The following EXD1 variants were observed in gnomAD, a reference collection of about 807,000 sequenced individuals.
EXD1 encodes exonuclease 3'-5' domain containing 1.
EXD1 carries 63 observed loss-of-function variants against 49.1 expected under a neutral mutation model. The observed-to-expected ratio is 1.28, with a 90% CI of 1.05 to 1.58. EXD1 has a LOEUF of 1.58. EXD1 is among the 40% of genes most tolerant of loss of function. The pLI is 0.00. For synonymous variants in EXD1, 234 were observed against 239.2 expected, an observed-to-expected ratio of 0.98 and a Z score of 0.20; for missense variants, 748 against 666.0, an observed-to-expected ratio of 1.12 and a Z score of -1.36.
At chr15:41,199,510 C>T (rs566689673) in intron 7 of EXD1, among the ~76,000 whole-genome samples, 5 of 149,054 alleles carry the variant, frequency 3.4e-5, no homozygotes, top group African/African-American at 1.2e-4. Context: ...GCACCCCTTC[C>T]CCCATACCTT....
chr15:41,198,893 G>A (rs925426646), intron 7 of EXD1, among the ~76,000 whole-genome samples: 1 of 151,020 alleles, frequency 6.6e-6, no homozygotes, highest in Non-Finnish European at 1.5e-5. Context: ...TTTTAGTAGG[G>A]ACTAGGTTTG....
chr15:41,200,207 G>T (rs555080604), intron 7 of EXD1, among the ~76,000 whole-genome samples: 52 of 152,004 alleles, frequency 3.4e-4, no homozygotes, highest in Non-Finnish European at 6.3e-4. Flanking sequence ...ACCACACCTG[G>T]ACTTGTAATA....
At chr15:41,216,556 A>T in intron 5 of EXD1, 112 bp downstream of exon 5, 1 of 1,090,994 alleles carries the variant, frequency 9.2e-7, no homozygotes, top group Non-Finnish European at 1.3e-6. Context: ...GCTTGAATCC[A>T]GGAGGTGGAG....
At chr15:41,228,057 CAA>C (rs2047190186) in intron 1 of EXD1, among the ~76,000 whole-genome samples, 1 of 152,086 alleles carries the variant, frequency 6.6e-6, no homozygotes, top group African/African-American at 2.4e-5. Context: ...TCTCAAAAAA[CAA>C]AACAAAACAA....
chr15:41,195,370 T>G (rs187769720), intron 9 of EXD1, among the ~76,000 whole-genome samples: 1 of 152,276 alleles, frequency 6.6e-6, no homozygotes, highest in East Asian at 1.9e-4. Context: ...CCTGTACCCC[T>G]AAACTAGATG....
chr15:41,220,955 AC>A lies in EXD1; in HGVS notation c.134-1058del, dbSNP rs367678627. On this transcript the variant is annotated intron_variant, in intron 2 of 11. Coordinates refer to ENST00000458580, the MANE Select transcript of EXD1 (RefSeq NM_001286441.2). Reference sequence around the variant, plus strand: ...ACTCCTGGCCTCAAGTGATCCTCCCACCTCAGCCTCCCAAAGTACTGGGATT... The same window carrying A: ...ACTCCTGGCCTCAAGTGATCCTCCCACTCAGCCTCCCAAAGTACTGGGATT... Among the ~76,000 whole-genome samples the A allele has an allele frequency of 6.1e-4, 92 of 149,746 alleles. 2 individuals carry two copies. In the South Asian group the frequency reaches 0.019, roughly 30 times the overall value.
At chr15:41,203,334 A>G (rs1462416237) in intron 7 of EXD1, among the ~76,000 whole-genome samples, 1 of 152,142 alleles carries the variant, frequency 6.6e-6, no homozygotes, top group African/African-American at 2.4e-5. Context: ...TGGGGTTGAC[A>G]ATGTTTAGAC....
chr15:41,227,143 C>G (rs1168342422), intron 1 of EXD1, among the ~76,000 whole-genome samples: 1 of 151,938 alleles, frequency 6.6e-6, no homozygotes, highest in Non-Finnish European at 1.5e-5. Flanking sequence ...CTAAATTTAC[C>G]CTTTACTTAG....
At chr15:41,210,245 C>T (rs1367281456) in intron 6 of EXD1, among the ~76,000 whole-genome samples, 1 of 152,130 alleles carries the variant, frequency 6.6e-6, no homozygotes, top group East Asian at 1.9e-4. Flanking sequence ...CAAGATTCCT[C>T]ATGCAAACTA....
At position 41,190,618 on chromosome 15, in the gene EXD1, C is replaced by T. The variant is rs568441344; in HGVS notation, c.865-490G>A. 4.6e-5 allele frequency among the ~76,000 whole-genome samples: 7 copies of T among 152,330 alleles called. No individual in the cohort carries two copies. In the South Asian group the frequency reaches 1.2e-3, roughly 27 times the overall value. ...GCATACACATGCTTGCACACATACT[C>T]CTACATTAACAGTGTGTGTGTAACA... On this transcript the variant is annotated intron_variant, in intron 10 of 11. Transcript: ENST00000458580.
chr15:41,196,391 A>G (rs2046614385), intron 7 of EXD1, among the ~76,000 whole-genome samples: 1 of 142,552 alleles, frequency 7.0e-6, no homozygotes, highest in African/African-American at 2.7e-5. Flanking sequence ...ATCTTGGCTC[A>G]CTGCAGCCTC....
Position 41,195,772 on chromosome 15 carries a change from T to C in EXD1, c.720+3A>G, listed in dbSNP as rs965868131. ...TTTGAATCCAGTGCTTCCCTTCATGTACCTGTGTGTCAAAGACATTATTCA... is the reference window on the plus strand; with the variant it reads ...TTTGAATCCAGTGCTTCCCTTCATGCACCTGTGTGTCAAAGACATTATTCA... On this transcript the variant is annotated splice_donor_region_variant and intron_variant, in intron 9 of 11. Coordinates refer to ENST00000458580, the MANE Select transcript of EXD1 (RefSeq NM_001286441.2). 5 of 1,611,022 alleles carry C rather than the reference T, an allele frequency of 3.1e-6. No individual in the cohort carries two copies. The South Asian group carries it at 3.3e-5, about 11-fold the overall frequency.
rs535853801 is a variant in EXD1, at chr15:41,215,815, T to C, written c.407A>G (p.Tyr136Cys). The change falls in exon 6 of 12, where the codon TAC becomes TGC. Residue 136 changes from tyrosine (Y) to cysteine (C), a missense_variant. Transcript: ENST00000458580. ...CTGCTGGAATTGATTAATGACTGTG[T>C]ATGTCACCTCCTCTTCCTCTACAAG... ...YSPSEEEEVT[Y>C]TVINQFQQKF... The C allele has an allele frequency of 9.6e-5, 155 of 1,614,060 alleles. 1 individual carries two copies. The South Asian group carries it at 1.6e-3, about 17-fold the overall frequency.
chr15:41,199,753 A>ATCATATATG lies in EXD1; in HGVS notation c.535-3717_535-3716insCATATATGA, dbSNP rs1566980746. Among the ~76,000 whole-genome samples, 33 of 96,870 alleles carry ATCATATATG rather than the reference A, an allele frequency of 3.4e-4. 2 individuals are homozygous for ATCATATATG. Among genetic ancestry groups the ATCATATATG allele is most frequent in the African/African-American group, 1.0e-3 (22 of 22,088 alleles). The allele number at this position is 96,870 out of a possible 152,430, so 63.6% of individuals were successfully genotyped here. A position where few individuals can be genotyped will look rare whatever the true frequency, so the allele number is the denominator to read the frequency against. ...ATGATATATATGTCATATATTATAT[A>ATCATATATG]TGATACATATATGATATATATGTCA... On this transcript the variant is annotated intron_variant, in intron 7 of 11. Coordinates refer to ENST00000458580, the MANE Select transcript of EXD1 (RefSeq NM_001286441.2).
intron 11 of EXD1, 32 bp downstream of exon 11, chr15:41,189,905 A>G (rs764210862): frequency 6.2e-7 from 1 of 1,601,544 alleles, no homozygotes; most frequent in Non-Finnish European, 8.5e-7. Context: ...GAAGGCAGAA[A>G]GGAGGTCCTG....
At chr15:41,218,624 C>T (rs909940994) in intron 3 of EXD1, among the ~76,000 whole-genome samples, 2 of 151,962 alleles carry the variant, frequency 1.3e-5, no homozygotes, top group East Asian at 3.9e-4. Context: ...GCAGTGATTC[C>T]TTCACTTCTC....
intron 7 of EXD1, among the ~76,000 whole-genome samples, chr15:41,203,940 A>AAAAAAAAAAAAAC (rs2046776535): frequency 6.8e-6 from 1 of 147,308 alleles, no homozygotes; most frequent in Non-Finnish European, 1.5e-5. Context: ...AAAAAAAAAA[A>AAAAAAAAAAAAAC]AAAACCCTAA....
intron 2 of EXD1, among the ~76,000 whole-genome samples, chr15:41,223,035 C>T (rs777666844): frequency 7.9e-5 from 12 of 151,958 alleles, no homozygotes; most frequent in Non-Finnish European, 1.5e-4. Flanking sequence ...ACTGCAGCCT[C>T]GAACTCCTGG....
rs369400894 is a variant in EXD1 at position 41,184,134 on chromosome 15, C to T, written c.1516G>A (p.Glu506Lys). 6.2e-7 allele frequency: 1 copy of T among 1,614,184 alleles called. No individual in the cohort carries two copies. ...QASLSLKEET[E>K]QLLMVENKED... Reference sequence around the variant, plus strand: ...TTGTTTTCCACCATCAATAACTGTTCTGTCTCCTCTTTCAAAGATAAACTT... The same window carrying T: ...TTGTTTTCCACCATCAATAACTGTTTTGTCTCCTCTTTCAAAGATAAACTT... Residue 506 changes from glutamate (E) to lysine (K), a missense_variant, in exon 12 of 12, where the codon GAA (glutamate) becomes AAA (lysine). By Grantham distance (56) the Glu-to-Lys change is moderately conservative (BLOSUM62 1). Coordinates refer to ENST00000458580, the MANE Select transcript of EXD1 (RefSeq NM_001286441.2).
Sources: allele counts gnomAD v4.1 joint callset (sites outside exome capture counted in the v4.1 genomes callset), GRCh38; gene constraint gnomAD v4.1.1; transcripts MANE v1.5; gene names NCBI Gene and HGNC (gene_info 2026-07-23, HGNC 2026-07-21).